Variants in TNFSF4 observed in about 807,000 individuals in gnomAD.
TNFSF4 encodes the protein tumor necrosis factor ligand superfamily member 4.
A neutral mutation model predicts 7.3 loss-of-function variants in TNFSF4; 4 were observed. The observed-to-expected ratio is 0.55, with a 90% CI of 0.27 to 1.25. TNFSF4 has a LOEUF of 1.25. Ranked by LOEUF, TNFSF4 falls within the 50% of genes most tolerant of loss-of-function variation. The probability of loss-of-function intolerance (pLI) is 0.12; values close to 1 mark genes in which losing one functional copy is unlikely to be tolerated. For missense variants in TNFSF4, 181 were observed against 208.8 expected, an observed-to-expected ratio of 0.87 and a Z score of 0.82; for synonymous variants, 76 against 83.7, an observed-to-expected ratio of 0.91 and a Z score of 0.50.
At chr1:173,228,035 G>A in the TNFSF4 span, among the ~76,000 whole-genome samples, 1 of 152,240 alleles carries the variant, frequency 6.6e-6, no homozygotes, top group African/African-American at 2.4e-5. Context: ...ACAGGAGGCA[G>A]CAGAAACCTC....
the TNFSF4 span, among the ~76,000 whole-genome samples, chr1:173,409,873 G>A: frequency 7.9e-5 from 12 of 152,122 alleles, no homozygotes; most frequent in African/African-American, 4.8e-5. Context: ...CTGAGTGCAC[G>A]GGTGTAAGTC....
chr1:173,176,357 C>T, the TNFSF4 span, among the ~76,000 whole-genome samples: 1 of 152,126 alleles, frequency 6.6e-6, no homozygotes, highest in Non-Finnish European at 1.5e-5. Context: ...TACTCTATCC[C>T]TCAGATGTTG....
chr1:173,327,887 C>G, the TNFSF4 span, among the ~76,000 whole-genome samples: 1 of 151,960 alleles, frequency 6.6e-6, no homozygotes, highest in Admixed American at 6.6e-5. Context: ...GAAATAGGAA[C>G]ACTTTCACAT....
chr1:173,401,493 G>A, the TNFSF4 span, among the ~76,000 whole-genome samples: 2 of 152,138 alleles, frequency 1.3e-5, no homozygotes, highest in African/African-American at 4.8e-5. Flanking sequence ...CACCCAGTCT[G>A]TTGAGGACAT....
the TNFSF4 span, among the ~76,000 whole-genome samples, chr1:173,287,323 A>C: frequency 2.6e-5 from 4 of 152,314 alleles, no homozygotes; most frequent in East Asian, 3.9e-4. Flanking sequence ...TTGCAAAGCA[A>C]GACCCTGACT....
At chr1:173,419,437 C>T in the TNFSF4 span, among the ~76,000 whole-genome samples, 1 of 152,134 alleles carries the variant, frequency 6.6e-6, no homozygotes, top group African/African-American at 2.4e-5. Context: ...CGTGAGGATG[C>T]AGCAAGAAGG....
the TNFSF4 span, among the ~76,000 whole-genome samples, chr1:173,371,149 C>T: frequency 6.6e-6 from 1 of 152,318 alleles, no homozygotes; most frequent in East Asian, 1.9e-4. Context: ...TGACTTCCTC[C>T]TGGACACTGG....
chr1:173,409,398 TTAGA>T, the TNFSF4 span, among the ~76,000 whole-genome samples: 5 of 152,196 alleles, frequency 3.3e-5, no homozygotes, highest in Non-Finnish European at 5.9e-5. Context: ...CTTTTATAAC[TTAGA>T]TAGTTGTATT....
the TNFSF4 span, among the ~76,000 whole-genome samples, chr1:173,446,329 C>T: frequency 6.6e-6 from 1 of 152,156 alleles, no homozygotes; most frequent in African/African-American, 2.4e-5. Context: ...CAATCACATC[C>T]CTTGGCATTT....
the TNFSF4 span, among the ~76,000 whole-genome samples, chr1:173,214,965 T>C: frequency 2.0e-5 from 3 of 152,166 alleles, no homozygotes; most frequent in Non-Finnish European, 4.4e-5. Flanking sequence ...TTGCTGGTGT[T>C]ATGGCCTGAA....
the TNFSF4 span, among the ~76,000 whole-genome samples, chr1:173,407,559 CAAAAAAAAAAAA>C: frequency 2.8e-5 from 2 of 72,066 alleles, no homozygotes; most frequent in African/African-American, 5.7e-5. Flanking sequence ...GACTCTGCCT[CAAAAAAAAAAAA>C]AAAAAAAAAA....
chr1:173,347,764 A>G, the TNFSF4 span, among the ~76,000 whole-genome samples: 1 of 152,242 alleles, frequency 6.6e-6, no homozygotes, highest in Non-Finnish European at 1.5e-5. Flanking sequence ...CTAGCCCACA[A>G]GGCTTCTCAG....
chr1:173,437,030 T>C, the TNFSF4 span, among the ~76,000 whole-genome samples: 1 of 152,198 alleles, frequency 6.6e-6, no homozygotes, highest in South Asian at 2.1e-4. Flanking sequence ...GGTGAGGGCT[T>C]TGACCCTCTG....
At chr1:173,218,579 G>A in the TNFSF4 span, among the ~76,000 whole-genome samples, 6 of 141,440 alleles carry the variant, frequency 4.2e-5, no homozygotes, top group East Asian at 1.0e-3. Context: ...CCCCAGATAT[G>A]AGGAACAAAA....
At chr1:173,431,920 G>T in the TNFSF4 span, among the ~76,000 whole-genome samples, 3 of 152,210 alleles carry the variant, frequency 2.0e-5, no homozygotes, top group Non-Finnish European at 4.4e-5. Context: ...AGCTCAGTAT[G>T]TAGCCCCCTT....
the TNFSF4 span, among the ~76,000 whole-genome samples, chr1:173,446,215 C>T: frequency 6.6e-6 from 1 of 151,578 alleles, no homozygotes; most frequent in Non-Finnish European, 1.5e-5. Context: ...GATAAACACT[C>T]TTGAACAAAG....
upstream of TNFSF4, among the ~76,000 whole-genome samples, chr1:173,212,002 G>A (rs1037500924): frequency 6.6e-6 from 1 of 152,154 alleles, no homozygotes; most frequent in African/African-American, 2.4e-5. Flanking sequence ...CAACATTCAA[G>A]GTTGAACATT....
the TNFSF4 span, among the ~76,000 whole-genome samples, chr1:173,439,049 G>C: frequency 6.6e-6 from 1 of 152,226 alleles, no homozygotes; most frequent in African/African-American, 2.4e-5. Context: ...CGTGCAGAGA[G>C]AGAGGAGAGC....
At chr1:173,276,351 T>C in the TNFSF4 span, among the ~76,000 whole-genome samples, 1 of 152,134 alleles carries the variant, frequency 6.6e-6, no homozygotes, top group South Asian at 2.1e-4. Context: ...TCCTCTTCCT[T>C]CTCCTCTCCA....
Sources: allele counts gnomAD v4.1 joint callset (sites outside exome capture counted in the v4.1 genomes callset), GRCh38; gene constraint gnomAD v4.1.1; transcripts MANE v1.5; gene names NCBI Gene and HGNC (gene_info 2026-07-23, HGNC 2026-07-21).